USH2A: variants seen among roughly 807,000 people sequenced by gnomAD.
USH2A encodes Usher syndrome 2A (autosomal recessive, mild).
Under a neutral mutation model 538.9 loss-of-function variants are expected in USH2A, and 443 were observed. The ratio of observed to expected loss-of-function variants is 0.82; its 90% CI spans 0.76 to 0.89. The LOEUF (loss-of-function observed/expected upper bound fraction) is 0.89, where lower values mean the gene tolerates loss of function less well. Among genes scored for constraint, USH2A ranks in the 40% least tolerant of loss-of-function variants. USH2A has a pLI of 0.00. For missense variants in USH2A, 6,633 were observed against 6,324.8 expected, an observed-to-expected ratio of 1.05 and a Z score of -1.65; for synonymous variants, 2,413 against 2,273.5, an observed-to-expected ratio of 1.06 and a Z score of -1.75.
intron 37 of USH2A, among the ~76,000 whole-genome samples, chr1:215,956,286 C>G (rs767285824): frequency 6.6e-6 from 1 of 152,176 alleles, no homozygotes; most frequent in Admixed American, 6.5e-5. Flanking sequence ...ATCTGCCCCA[C>G]GGCTGGCTTA....
At chr1:216,374,827 C>T (rs1040656544) in intron 3 of USH2A, among the ~76,000 whole-genome samples, 7 of 152,068 alleles carry the variant, frequency 4.6e-5, no homozygotes, top group African/African-American at 1.2e-4. Context: ...TACTTTATGA[C>T]ACAAGATGTT....
chr1:215,917,194 G>T (rs1289162880), intron 38 of USH2A, among the ~76,000 whole-genome samples: 1 of 151,852 alleles, frequency 6.6e-6, no homozygotes, highest in African/African-American at 2.4e-5. Flanking sequence ...TTTCCTTACA[G>T]AGACTTCCTA....
chr1:216,275,042 C>T (rs1415112750), intron 11 of USH2A, among the ~76,000 whole-genome samples: 1 of 152,026 alleles, frequency 6.6e-6, no homozygotes, highest in African/African-American at 2.4e-5. Flanking sequence ...CTGTTCCCAG[C>T]AATGGTTACA....
chr1:215,728,413 G>T, intron 60 of USH2A, 29 bp from the exon 61 acceptor site: 1 of 1,605,936 alleles, frequency 6.2e-7, no homozygotes, highest in Non-Finnish European at 8.5e-7. Context: ...GGCAACCAGT[G>T]ACAGCTGCAC....
chr1:215,676,274 C>T (rs1020336589), intron 62 of USH2A, among the ~76,000 whole-genome samples: 4 of 152,080 alleles, frequency 2.6e-5, no homozygotes, highest in African/African-American at 9.7e-5. Context: ...ACTGATTGCT[C>T]CTTTGGGGGC....
intron 37 of USH2A, among the ~76,000 whole-genome samples, chr1:215,942,170 A>AT (rs1170997537): frequency 6.6e-6 from 1 of 151,932 alleles, no homozygotes; most frequent in African/African-American, 2.4e-5. Context: ...GAGGGTCTCA[A>AT]TTTTTTCTGG....
chr1:215,786,946 T>C, intron 51 of USH2A, 72 bp from the exon 52 acceptor site: 2 of 1,431,492 alleles, frequency 1.4e-6, no homozygotes, highest in Non-Finnish European at 1.9e-6. Flanking sequence ...TAGGGTAGGC[T>C]TTTGTGACTT....
chr1:216,118,950 ACT>A, intron 21 of USH2A, among the ~76,000 whole-genome samples: 1 of 152,258 alleles, frequency 6.6e-6, no homozygotes, highest in East Asian at 1.9e-4. Flanking sequence ...GTGTTTAGAA[ACT>A]CTGTTATGGC....
At chr1:216,004,732 G>T (rs951581707) in intron 32 of USH2A, among the ~76,000 whole-genome samples, 10 of 152,134 alleles carry the variant, frequency 6.6e-5, no homozygotes, top group African/African-American at 2.4e-4. Flanking sequence ...TGTATGTGAT[G>T]GGATGACCCA....
chr1:216,300,599 C>G (rs922681001), intron 9 of USH2A, among the ~76,000 whole-genome samples: 1 of 152,130 alleles, frequency 6.6e-6, no homozygotes, highest in Admixed American at 6.5e-5. Flanking sequence ...TAATAATACA[C>G]AATGACAGTT....
intron 30 of USH2A, among the ~76,000 whole-genome samples, chr1:216,049,502 G>A (rs754817940): frequency 4.6e-5 from 7 of 151,984 alleles, no homozygotes; most frequent in Non-Finnish European, 8.8e-5. Flanking sequence ...CTGTTTTTCC[G>A]CAAAGACGTT....
At chr1:215,663,273 G>A (rs1177775652) in intron 64 of USH2A, among the ~76,000 whole-genome samples, 1 of 152,084 alleles carries the variant, frequency 6.6e-6, no homozygotes, top group African/African-American at 2.4e-5. Flanking sequence ...GATCGGATGG[G>A]GGCATGGACC....
intron 61 of USH2A, among the ~76,000 whole-genome samples, chr1:215,689,428 T>C (rs968416982): frequency 3.9e-5 from 6 of 152,194 alleles, no homozygotes; most frequent in African/African-American, 1.4e-4. Flanking sequence ...TATCTCAGAA[T>C]TCCTTCTGTG....
In USH2A at chr1:215,639,178, T is replaced by A. The variant is rs138640647; in HGVS notation, c.15029A>T (p.Gln5010Leu). The change falls in exon 69 of 72, where the codon CAA becomes CTA. Residue 5010 changes from glutamine to leucine, a missense_variant. Transcript: ENST00000307340. ...DEGSVKTPLI[Q>L]YDTSTGLGLV... ...ACCAAGTCCAGTAGAGGTATCATAT[T>A]GGATCAACGGCGTCTTAACACTTCC... 66 of 1,614,152 alleles carry A rather than the reference T, an allele frequency of 4.1e-5. No homozygotes were observed. In the African/African-American group the frequency reaches 8.4e-4, roughly 21 times the overall value.
At chr1:216,049,801 T>C (rs2030678460) in intron 30 of USH2A, among the ~76,000 whole-genome samples, 1 of 152,116 alleles carries the variant, frequency 6.6e-6, no homozygotes, top group Non-Finnish European at 1.5e-5. Flanking sequence ...TTGCCCTTAG[T>C]TCCTAGGGCT....
At chr1:216,323,738 T>G in intron 7 of USH2A, 43 bp from the exon 8 acceptor site, 3 of 1,594,288 alleles carry the variant, frequency 1.9e-6, no homozygotes, top group Non-Finnish European at 2.6e-6. Flanking sequence ...TCTATTCACA[T>G]TTTTGGCAAA....
At chr1:215,660,121 A>G (rs965492096) in intron 64 of USH2A, among the ~76,000 whole-genome samples, 1 of 152,236 alleles carries the variant, frequency 6.6e-6, no homozygotes, top group Admixed American at 6.5e-5. Context: ...TTAAGAAACC[A>G]GTCTTTGAAA....
chr1:216,240,827 G>A (rs980295872), intron 13 of USH2A, among the ~76,000 whole-genome samples: 1 of 152,110 alleles, frequency 6.6e-6, no homozygotes, highest in African/African-American at 2.4e-5. Context: ...CAACATAGGA[G>A]ACAGGGGAAG....
chr1:216,322,260 C>G (rs1264205585), intron 8 of USH2A, among the ~76,000 whole-genome samples: 1 of 151,982 alleles, frequency 6.6e-6, no homozygotes, highest in African/African-American at 2.4e-5. Flanking sequence ...CTATACCAAC[C>G]ACGTACCAAG....
Sources: gnomAD v4.1 joint callset for allele counts (sites outside exome capture counted in the v4.1 genomes callset) on GRCh38, gnomAD v4.1.1 for gene constraint, MANE v1.5 for transcripts, NCBI Gene and HGNC (gene_info 2026-07-23, HGNC 2026-07-21) for gene names.